The following CCAR2 variants were observed in gnomAD, a reference collection of about 807,000 sequenced individuals.
CCAR2 encodes cell cycle and apoptosis regulator protein 2.
A neutral mutation model predicts 108.1 loss-of-function variants in CCAR2; 21 were observed. That is an observed-to-expected ratio of 0.19 (90% CI 0.14 to 0.28). The LOEUF is 0.28. Ranked by LOEUF, CCAR2 falls within the 10% of genes least tolerant of loss-of-function variation. The pLI is 1.00. For missense variants in CCAR2, 1,126 were observed against 1,177.0 expected (o/e 0.96, Z 0.63); for synonymous variants, 577 against 472.8 (o/e 1.22, Z -2.86).
intron 6 of CCAR2, among the ~76,000 whole-genome samples, chr8:22,607,702 G>T (rs2117416629): frequency 1.3e-5 from 2 of 152,164 alleles, no homozygotes; most frequent in Middle Eastern, 3.4e-3. Flanking sequence ...TCGGCTCACT[G>T]CAAGCTCCGC....
chr8:22,606,507 C>T (rs1304743342), intron 3 of CCAR2, 100 bp from the exon 4 acceptor site: 21 of 903,140 alleles, frequency 2.3e-5, no homozygotes, highest in African/African-American at 3.3e-5. Context: ...TGATGCAGTA[C>T]GCTGAGCTGG....
In CCAR2 at chr8:22,604,838, C is replaced by A. The variant is rs1363607961; in HGVS notation, c.-43C>A. On this transcript the variant is annotated 5_prime_UTR_variant, in exon 1 of 21. Coordinates refer to ENST00000308511, the MANE Select transcript of CCAR2 (RefSeq NM_001393997.1). ...TCCCCCCGGTGTCGCTGCCCTGGCCCGCAGGTGGGTTGGGGGGCCCCCTGC... is the reference window on the plus strand; with the variant it reads ...TCCCCCCGGTGTCGCTGCCCTGGCCAGCAGGTGGGTTGGGGGGCCCCCTGC... The A allele has an allele frequency of 6.6e-6, 3 of 453,794 alleles. No individual in the cohort carries two copies. The highest frequency in any genetic ancestry group is 1.3e-5 in the Non-Finnish European group (3 of 226,358). The allele number at this position is 453,794 out of a possible 1,614,324, so 28.1% of individuals were successfully genotyped here. A position where few individuals can be genotyped will look rare whatever the true frequency, so the allele number is the denominator to read the frequency against.
chr8:22,621,361 A>G, downstream of CCAR2: 1 of 1,555,006 alleles, frequency 6.4e-7, no homozygotes, highest in Non-Finnish European at 8.7e-7. Flanking sequence ...GCTAGCCCTG[A>G]GAAGGGCAAG....
In CCAR2 at chr8:22,618,604, G is replaced by GTGT. The variant is rs1801618449; in HGVS notation, c.2221-11_2221-9dup. 6.2e-7 allele frequency: 1 copy of GTGT among 1,613,898 alleles called. No individual in the cohort carries two copies. Among genetic ancestry groups the GTGT allele is most frequent in the Admixed American group, 1.7e-5 (1 of 60,012 alleles). On this transcript the variant is annotated splice_polypyrimidine_tract_variant and intron_variant, in intron 17 of 20. Transcript: ENST00000308511. ...GGACGGGGCCTTCTGATCAGCAGAT[G>GTGT]TGTTTTCTGCAGGCCAAGCAGCTGG... is the stretch of plus-strand genomic sequence containing the variant.
At chr8:22,618,574 G>A in intron 17 of CCAR2, 43 bp from the exon 18 acceptor site, 20 of 1,614,020 alleles carry the variant, frequency 1.2e-5, no homozygotes, top group Non-Finnish European at 1.6e-5. Flanking sequence ...CATGGCCAGG[G>A]TCGGGGACGG....
chr8:22,619,098 TGCTCTGG>T (rs1279887762), intron 19 of CCAR2, 45 bp from the exon 20 acceptor site: 1 of 1,599,466 alleles, frequency 6.3e-7, no homozygotes, highest in Non-Finnish European at 8.5e-7. Context: ...CCCTGCCCTG[TGCTCTGG>T]GCCTTGATGG....
intron 7 of CCAR2, among the ~76,000 whole-genome samples, chr8:22,609,087 G>T (rs12681464): frequency 7.4e-6 from 1 of 135,616 alleles, no homozygotes; most frequent in Non-Finnish European, 1.5e-5. Flanking sequence ...GGCTTGCTCC[G>T]TCACCCAGGC....
intron 7 of CCAR2, among the ~76,000 whole-genome samples, chr8:22,611,600 T>C (rs1295644798): frequency 6.6e-6 from 1 of 152,194 alleles, no homozygotes; most frequent in African/African-American, 2.4e-5. Flanking sequence ...TCCTGTGTTC[T>C]AGTTTTTATC....
At chr8:22,611,080 G>A (rs918118116) in intron 7 of CCAR2, among the ~76,000 whole-genome samples, 1 of 151,618 alleles carries the variant, frequency 6.6e-6, no homozygotes, top group Admixed American at 6.6e-5. Flanking sequence ...AAATACGTAG[G>A]CCAGGCGCGG....
rs1396973800 is a variant in CCAR2 at position 22,615,555 on chromosome 8, A to G, written c.1336A>G (p.Lys446Glu). 7.4e-6 allele frequency: 12 copies of G among 1,613,868 alleles called. No individual in the cohort carries two copies. In the Admixed American group the frequency reaches 2.0e-4, roughly 27 times the overall value. Residue 446 changes from lysine (K) to glutamate (E), a missense_variant, in exon 12 of 21, where the codon AAA (lysine) becomes GAA (glutamate). By Grantham distance (56) the Lys-to-Glu change is moderately conservative (BLOSUM62 1). This residue lies in a region of CCAR2 where 1,013 missense variants were observed against 993.9 expected (regional missense o/e 1.02). Transcript: ENST00000308511. Reference protein sequence around the residue: ...LEEWEALCQQKAAEAAPPTQE... With the variant: ...LEEWEALCQQEAAEAAPPTQE... ...GGAGTGGGAGGCCCTGTGCCAGCAGAAAGCTGCAGAGGCAGCTCCCCCAAC... is the reference window on the plus strand; with the variant it reads ...GGAGTGGGAGGCCCTGTGCCAGCAGGAAGCTGCAGAGGCAGCTCCCCCAAC...
rs758495491 is a variant in CCAR2, at chr8:22,616,190, A to G, written c.1787A>G (p.Lys596Arg). The G allele has an allele frequency of 3.1e-6, 5 of 1,613,868 alleles. No individual in the cohort carries two copies. Among genetic ancestry groups the G allele is most frequent in the Admixed American group, 1.7e-5 (1 of 60,006 alleles). ...GAAGCCATCAAAGAGGAGGTGGTCA[A>G]GGAGCCCAAGGATGAGGCACAGAAT... The part of the protein sequence containing the change: ...EEEAIKEEVV[K>R]EPKDEAQNEG... Residue 596 changes from lysine (K) to arginine (R), a missense_variant, in exon 14 of 21, where the codon AAG (lysine) becomes AGG (arginine). Around this residue, in one of 4 missense-constraint regions of CCAR2, gnomAD observed 1,013 missense variants for 993.9 expected, o/e 1.02. Transcript: ENST00000308511.
At chr8:22,619,074 T>C (rs1801642169) in intron 19 of CCAR2, 59 bp downstream of exon 19, 2 of 1,600,284 alleles carry the variant, frequency 1.2e-6, no homozygotes, top group Non-Finnish European at 1.7e-6. Flanking sequence ...GGGAACCTGC[T>C]GCTTAGGCTC....
In CCAR2 at chr8:22,608,035, G is replaced by T. The variant is rs1801144925; in HGVS notation, c.554G>T (p.Gly185Val). 6.2e-7 allele frequency: 1 copy of T among 1,613,972 alleles called. No homozygotes were observed. Residue 185 changes from glycine to valine, a missense_variant, in exon 7 of 21, where the codon GGC (glycine) becomes GTC (valine). Gly to Val is a moderately radical substitution (Grantham distance 109). Coordinates refer to ENST00000308511, the MANE Select transcript of CCAR2 (RefSeq NM_001393997.1). Reference sequence around the variant, plus strand: ...CACCTGAACAGATTTCCTGCCCGGGGCCCTCATGGACGGTTGGATCAGGGC... The same window carrying T: ...CACCTGAACAGATTTCCTGCCCGGGTCCCTCATGGACGGTTGGATCAGGGC... ...LSHLNRFPAR[G>V]PHGRLDQGRS... is the part of the protein sequence containing the mutation.
Position 22,614,336 on chromosome 8 carries a change from A to C in CCAR2, c.927+22A>C, listed in dbSNP as rs201645003. On this transcript the variant is annotated intron_variant, in intron 9 of 20. Transcript: ENST00000308511. ...GAAGGTAAGCTGACAGGCGTCTCTC[A>C]CTTATCTGATTTCTGGAGGCTGAAG... 1.9e-6 allele frequency: 3 copies of C among 1,613,896 alleles called. No individual in the cohort carries two copies. In the East Asian group the frequency reaches 6.7e-5, roughly 36 times the overall value.
chr8:22,616,562 A>C (rs964159232), intron 14 of CCAR2: 15 of 381,904 alleles, frequency 3.9e-5, no homozygotes, highest in Non-Finnish European at 6.8e-5. Context: ...TCACCCCTGT[A>C]ATCCCAGCAC....
Position 22,618,440 on chromosome 8 carries a change from G to A in CCAR2, c.2165G>A (p.Arg722Gln), listed in dbSNP as rs201891023. 55 of 1,614,062 alleles carry A rather than the reference G, an allele frequency of 3.4e-5. No homozygotes were observed. The highest frequency in any genetic ancestry group is 4.6e-5 in the Non-Finnish European group (54 of 1,180,050). ...FDANWCGYLH[R>Q]RDLERILLTL... Reference sequence around the variant, plus strand: ...GCCAACTGGTGTGGCTACTTGCACCGGCGAGACTTAGAGAGGATCCTCCTT... The same window carrying A: ...GCCAACTGGTGTGGCTACTTGCACCAGCGAGACTTAGAGAGGATCCTCCTT... Residue 722 changes from arginine to glutamine, a missense_variant, in exon 17 of 21, where the codon CGG becomes CAG. Physicochemically the swap from Arg to Gln is conservative, Grantham distance 43. Coordinates refer to ENST00000308511, the MANE Select transcript of CCAR2 (RefSeq NM_001393997.1).
chr8:22,621,430 C>CG (rs994567343), downstream of CCAR2: 4 of 1,612,800 alleles, frequency 2.5e-6, no homozygotes, highest in Admixed American at 6.7e-5. Flanking sequence ...ATTCAGTCAT[C>CG]GGCCACAATG....
At chr8:22,612,920 TG>T (rs1801346339) in intron 7 of CCAR2, 96 bp from the exon 8 acceptor site, 3 of 1,320,770 alleles carry the variant, frequency 2.3e-6, no homozygotes, top group African/African-American at 3.0e-5. Context: ...TTATTGAATG[TG>T]AGGGATTTCG....
chr8:22,619,271 G>C lies in CCAR2; in HGVS notation c.2643G>C (p.Gln881His), dbSNP rs768400751. The C allele has an allele frequency of 1.9e-6, 3 of 1,565,256 alleles. No individual in the cohort carries two copies. The South Asian group carries it at 3.5e-5, about 18-fold the overall frequency. Residue 881 changes from glutamine (Q) to histidine (H), a missense_variant, in exon 20 of 21, where the codon CAG (glutamine) becomes CAC (histidine). Around this residue, in one of 4 missense-constraint regions of CCAR2, gnomAD observed 1,013 missense variants for 993.9 expected, o/e 1.02. Coordinates refer to ENST00000308511, the MANE Select transcript of CCAR2 (RefSeq NM_001393997.1). ...AGACCGCCCGGACGGCGGAGCGACA[G>C]AAGAGCCAGCTCCAGCGGCTGCTGC... ...AEETARTAER[Q>H]KSQLQRLLQE...
Sources: gnomAD v4.1 joint callset for allele counts (sites outside exome capture counted in the v4.1 genomes callset) on GRCh38, gnomAD v4.1.1 for gene constraint, gnomAD v4.1.1 regional missense constraint, MANE v1.5 for transcripts, NCBI Gene and HGNC (gene_info 2026-07-23, HGNC 2026-07-21) for gene names.